Variants in PKD1 observed in about 807,000 individuals in gnomAD.
The protein encoded by PKD1 is polycystin 1, transient receptor potential channel interacting.
Under a neutral mutation model 361.7 loss-of-function variants are expected in PKD1, and 81 were observed. The observed-to-expected ratio is 0.22, with a 90% confidence interval of 0.19 to 0.27. PKD1 has a LOEUF of 0.27. PKD1 is among the 10% of genes least tolerant of loss of function. The pLI is 1.00. For missense variants in PKD1, 6,399 were observed against 6,118.3 expected (o/e 1.05, Z -1.53); for synonymous variants, 3,615 against 2,818.3 (o/e 1.28, Z -8.95).
intron 9 of PKD1, 39 bp from the exon 10 acceptor site, chr16:2,115,664 A>T: frequency 6.3e-7 from 1 of 1,586,416 alleles, no homozygotes; most frequent in Non-Finnish European, 8.5e-7. Context: ...TGATTTGCCC[A>T]CAGGCCACCG....
At chr16:2,094,320 C>T (rs942351053) in intron 34 of PKD1, 110 bp from the exon 35 acceptor site, 1 of 738,564 alleles carries the variant, frequency 1.4e-6, no homozygotes, top group Non-Finnish European at 2.4e-6. Context: ...GTCACAGGGT[C>T]CCCCCGACAA....
chr16:2,111,871 C>T lies in PKD1; in HGVS notation c.3296G>A (p.Gly1099Asp), dbSNP rs754067527. 1.6e-5 allele frequency: 25 copies of T among 1,610,192 alleles called. No individual in the cohort carries two copies. The East Asian group carries it at 4.7e-4, about 30-fold the overall frequency. ...HNVMHTYAAP[G>D]EYLLTVLASN... is the part of the protein sequence containing the mutation. ...TGCCAGCACGGTCAGGAGGTACTCA[C>T]CTGTGGGGACAGGCCCGAGTGGGGC... Residue 1099 changes from glycine (G) to aspartate (D), a missense_variant and splice_region_variant, in exon 15 of 46, where the codon GGT becomes GAT. Gly to Asp is a moderately conservative substitution (Grantham distance 94, BLOSUM62 -1). Coordinates refer to ENST00000262304, the MANE Select transcript of PKD1 (RefSeq NM_001009944.3).
rs202176473 is a variant in PKD1, at chr16:2,089,777, T to C, written c.12862A>G (p.Ser4288Gly). ...SRGVDLATGP[S>G]RTPLRAKNKV... ...TTCTTGGCCCGAAGGGGTGTCCTGC[T>C]GGGGCCAGTGGCCAGGTCCACACCC... Residue 4288 changes from serine (S) to glycine (G), a missense_variant, in exon 46 of 46, where the codon AGC (serine) becomes GGC (glycine). Transcript: ENST00000262304. 1.4e-4 allele frequency: 228 copies of C among 1,597,484 alleles called. No homozygotes were observed. Among genetic ancestry groups the C allele is most frequent in the Non-Finnish European group, 1.8e-4 (216 of 1,173,400 alleles).
intron 40 of PKD1, 63 bp from the exon 41 acceptor site, chr16:2,091,969 G>A (rs1001917670): frequency 2.5e-6 from 4 of 1,611,882 alleles, no homozygotes; most frequent in East Asian, 2.2e-5. Context: ...GAGCCAGGCT[G>A]GTCAGGAGGC....
At position 2,114,835 on chromosome 16, in the gene PKD1, A is replaced by G. The variant is rs2092602552; in HGVS notation, c.2188T>C (p.Ser730Pro). The G allele has an allele frequency of 2.2e-6, 3 of 1,383,876 alleles. No homozygotes were observed. Among genetic ancestry groups the G allele is most frequent in the Non-Finnish European group, 2.0e-6 (2 of 1,011,050 alleles). 85.7% of individuals were successfully genotyped at this position (1,383,876 alleles called of 1,614,324 possible). A position where few individuals can be genotyped will look rare whatever the true frequency, so the allele number is the denominator to read the frequency against. ...GGACCAGGGTGGCCGGGAGCCGGCGAGCAGTGCAGGAGGGCGCCAGGGCCA... is the reference window on the plus strand; with the variant it reads ...GGACCAGGGTGGCCGGGAGCCGGCGGGCAGTGCAGGAGGGCGCCAGGGCCA... ...DAGPGALLHCSPAPGHPGPRA... is the reference protein window; with the variant it reads ...DAGPGALLHCPPAPGHPGPRA... Residue 730 changes from serine (S) to proline (P), a missense_variant, in exon 11 of 46, where the codon TCG becomes CCG. Coordinates refer to ENST00000262304, the MANE Select transcript of PKD1 (RefSeq NM_001009944.3).
Position 2,106,081 on chromosome 16 carries a change from C to T in PKD1, c.7703+10G>A, listed in dbSNP as rs780116526. 6.2e-7 allele frequency: 1 copy of T among 1,604,570 alleles called. No individual in the cohort carries two copies. Among genetic ancestry groups the T allele is most frequent in the South Asian group, 1.1e-5 (1 of 90,732 alleles). The stretch of plus-strand genomic sequence containing the variant: ...CAGTCTCGGGGGCGCCCTCCCACGG[C>T]CTGGCTCACCTGTTGAGGGCGACCA... On this transcript the variant is annotated intron_variant, in intron 19 of 45. Coordinates refer to ENST00000262304, the MANE Select transcript of PKD1 (RefSeq NM_001009944.3). The surrounding 1 kb of genome is among the most constrained non-coding windows in gnomAD (Gnocchi z 6.5).
At chr16:2,101,950 C>T (rs2092114452) in intron 26 of PKD1, 111 bp downstream of exon 26, 5 of 716,538 alleles carry the variant, frequency 7.0e-6, no homozygotes, top group Admixed American at 4.0e-5. Flanking sequence ...TCACACAGCA[C>T]TGCAAAAACT....
chr16:2,105,933 G>T lies in PKD1; in HGVS notation c.7795C>A (p.Leu2599Met). 5.6e-6 allele frequency: 9 copies of T among 1,598,014 alleles called. No individual in the cohort carries two copies. The highest frequency in any genetic ancestry group is 7.6e-6 in the Non-Finnish European group (9 of 1,179,624). ...TGCTGGGGATCGGCCTGCCGCAGCA[G>T]CCCTGGGAGCACACTAGCGGTGAGC... ...HGLTASVLPG[L>M]LRQADPQHVI... The change falls in exon 20 of 46, where the codon CTG becomes ATG. Residue 2599 changes from leucine (L) to methionine (M), a missense_variant. Coordinates refer to ENST00000262304, the MANE Select transcript of PKD1 (RefSeq NM_001009944.3).
At position 2,110,297 on chromosome 16, in the gene PKD1, T is replaced by C. The variant is rs767401947; in HGVS notation, c.4870A>G (p.Ile1624Val). Residue 1624 changes from isoleucine to valine, a missense_variant, in exon 15 of 46, where the codon ATC becomes GTC. Physicochemically the swap from Ile to Val is conservative, Grantham distance 29. Transcript: ENST00000262304. ...ATGAGCTGCAGGACATAGACGAAGATGCTGTCCTGGGCGGAGCCCACCTCG... is the reference window on the plus strand; with the variant it reads ...ATGAGCTGCAGGACATAGACGAAGACGCTGTCCTGGGCGGAGCCCACCTCG... ...ENEVGSAQDS[I>V]FVYVLQLIEG... is the part of the protein sequence containing the mutation. 7.4e-6 allele frequency: 12 copies of C among 1,612,492 alleles called. No homozygotes were observed. In the South Asian group the frequency reaches 1.2e-4, roughly 16 times the overall value.
At chr16:2,112,580 G>A (rs944288158) in intron 13 of PKD1, 107 bp from the exon 14 acceptor site, 47 of 1,092,768 alleles carry the variant, frequency 4.3e-5, no homozygotes, top group East Asian at 1.5e-4. Context: ...GTCACGCCCC[G>A]GGCCTCCATT....
At chr16:2,122,160 G>A (rs2092731259) in intron 1 of PKD1, among the ~76,000 whole-genome samples, 1 of 152,262 alleles carries the variant, frequency 6.6e-6, no homozygotes. Flanking sequence ...TCCGTGCCAG[G>A]AAGCAGCACC....
chr16:2,124,498 C>T (rs947234819), intron 1 of PKD1, among the ~76,000 whole-genome samples: 1 of 152,202 alleles, frequency 6.6e-6, no homozygotes, highest in Non-Finnish European at 1.5e-5. Flanking sequence ...GAGCCGGGGT[C>T]GGGGAATGCA....
At chr16:2,115,242 G>A (rs948204002) in intron 10 of PKD1, 136 bp downstream of exon 10, 16 of 1,069,530 alleles carry the variant, frequency 1.5e-5, no homozygotes, top group South Asian at 3.1e-5. Context: ...TGCAGAGGTC[G>A]GAGGTCAGAG....
Position 2,107,928 on chromosome 16 carries a change from C to T in PKD1, c.7020G>A (p.Leu2340=). The change falls in exon 16 of 46, where the codon CTG becomes CTA. Residue 2340 remains leucine, a synonymous_variant. Transcript: ENST00000262304. ...LAAGVEYTFS[L]TVWKAGRKEE... is the part of the protein sequence containing the mutation. ...CCTTGCGGCCGGCCTTCCACACGGT[C>T]AGGCTGAAGGTGTACTCCACGCCAG... The T allele has an allele frequency of 2.6e-6, 4 of 1,546,206 alleles. No individual in the cohort carries two copies. Among genetic ancestry groups the T allele is most frequent in the Non-Finnish European group, 2.6e-6 (3 of 1,146,744 alleles).
In PKD1 at chr16:2,103,157, G is replaced by A. The variant is rs9937895; in HGVS notation, c.8791+109C>T. ...TCTGGCCAGGCCCCCAGCAGCCCAT[G>A]AAACAGAAAGCAAATTTCACCAGAG... On this transcript the variant is annotated intron_variant, in intron 23 of 45. Transcript: ENST00000262304. The A allele has an allele frequency of 6.1e-3, 8,358 of 1,374,876 alleles. 426 individuals carry two copies. In the African/African-American group the frequency reaches 0.1, roughly 17 times the overall value. 85.2% of individuals were successfully genotyped at this position (1,374,876 alleles called of 1,614,324 possible).
rs574713017 is a variant in PKD1, at chr16:2,102,469, G to A, written c.9113C>T (p.Pro3038Leu). The A allele has an allele frequency of 1.3e-6, 2 of 1,557,486 alleles. No individual in the cohort carries two copies. The highest frequency in any genetic ancestry group is 8.7e-7 in the Non-Finnish European group (1 of 1,152,434). Residue 3038 changes from proline (P) to leucine (L), a missense_variant, in exon 25 of 46, where the codon CCC becomes CTC. By Grantham distance (98) the Pro-to-Leu change is moderately conservative. Transcript: ENST00000262304. ...GCGGGTGAGGCAGACGGCCTGGCGGGGCGAGGTCTCCTCCAGGGGCAGCAG... is the reference window on the plus strand; with the variant it reads ...GCGGGTGAGGCAGACGGCCTGGCGGAGCGAGGTCTCCTCCAGGGGCAGCAG... The part of the protein sequence containing the change: ...EGLLPLEETS[P>L]RQAVCLTRHL...
At chr16:2,095,966 G>A (rs1200172221) in intron 34 of PKD1, among the ~76,000 whole-genome samples, 2 of 152,174 alleles carry the variant, frequency 1.3e-5, no homozygotes, top group Admixed American at 1.3e-4. Flanking sequence ...TCATGTGATG[G>A]TTATCTGCCT....
rs1167246324 is a variant in PKD1, at chr16:2,114,736, C to A, written c.2287G>T (p.Ala763Ser). The change falls in exon 11 of 46, where the codon GCC becomes TCC. Residue 763 changes from alanine (A) to serine (S), a missense_variant. Ala to Ser is a moderately conservative substitution (Grantham distance 99). Coordinates refer to ENST00000262304, the MANE Select transcript of PKD1 (RefSeq NM_001009944.3). ...HLPAQLEGTW[A>S]CPACALRLLA... Reference sequence around the variant, plus strand: ...AGCCGCAGGGCACAGGCAGGGCAGGCCCAAGTGCCCTCCAGCTGGGCTGGC... The same window carrying A: ...AGCCGCAGGGCACAGGCAGGGCAGGACCAAGTGCCCTCCAGCTGGGCTGGC... 2 of 1,514,736 alleles carry A rather than the reference C, an allele frequency of 1.3e-6. No homozygotes were observed. Among genetic ancestry groups the A allele is most frequent in the Admixed American group, 2.0e-5 (1 of 50,942 alleles). The allele number at this position is 1,514,736 out of a possible 1,614,324, so 93.8% of individuals were successfully genotyped here.
intron 22 of PKD1, 111 bp downstream of exon 22, chr16:2,104,387 G>C: frequency 4.9e-6 from 3 of 612,716 alleles, no homozygotes; most frequent in Non-Finnish European, 2.8e-6. Flanking sequence ...GGGGGGAGGG[G>C]AGGGGGACGA....
Sources: allele counts gnomAD v4.1 joint callset (sites outside exome capture counted in the v4.1 genomes callset), GRCh38; gene constraint gnomAD v4.1.1; non-coding constraint Gnocchi (gnomAD v3.1); transcripts MANE v1.5; gene names NCBI Gene and HGNC (gene_info 2026-07-23, HGNC 2026-07-21).